Variants in RASSF3 observed in about 807,000 individuals in gnomAD.
RASSF3 encodes the protein Ras association domain family member 3, also known as ras association domain-containing protein 3.
RASSF3 carries 19 observed loss-of-function variants against 19.9 expected under a neutral mutation model. The ratio of observed to expected loss-of-function variants is 0.96; its 90% CI spans 0.67 to 1.40. RASSF3 has a LOEUF of 1.40. Among genes scored for constraint, RASSF3 ranks in the 40% most tolerant of loss-of-function variants. RASSF3 has a pLI of 0.00. For synonymous variants in RASSF3, 110 were observed against 104.2 expected, an observed-to-expected ratio of 1.06 and a Z score of -0.34; for missense variants, 306 against 289.8, an observed-to-expected ratio of 1.06 and a Z score of -0.41.
chr12:64,590,231 CAA>C lies in RASSF3; in HGVS notation c.294+48539_294+48540del, dbSNP rs1305038090. On this transcript the variant is annotated intron_variant, in intron 2 of 5. Coordinates refer to the RASSF3 transcript ENST00000637125. The stretch of plus-strand genomic sequence containing the variant: ...TGGCCTGGGTGACAAAAGACCCTGT[CAA>C]AAAAAAAAAAAATGGTGTTCAAGAC... Among the ~76,000 whole-genome samples the C allele has an allele frequency of 8.2e-3, 962 of 116,930 alleles. 15 individuals are homozygous for C. The highest frequency in any genetic ancestry group is 0.028 in the African/African-American group (900 of 32,412). The allele number at this position is 116,930 out of a possible 152,430, so 76.7% of individuals were successfully genotyped here. A position where few individuals can be genotyped will look rare whatever the true frequency, so the allele number is the denominator to read the frequency against.
chr12:64,603,171 TTTG>T (rs959702352), intron 2 of RASSF3, among the ~76,000 whole-genome samples: 9 of 151,864 alleles, frequency 5.9e-5, no homozygotes, highest in African/African-American at 1.9e-4. Context: ...AACTTTTTTT[TTTG>T]TTGTTGTTGT....
Position 64,610,555 on chromosome 12 carries a change from G to C in RASSF3, c.-78G>C, listed in dbSNP as rs1870308676. ...CGGGGCTGCGCGCCGGGAACCTCGC[G>C]GGGCTGGCGGGCGCCGCACCCCCTC... On this transcript the variant is annotated 5_prime_UTR_variant, in exon 1 of 5. Transcript: ENST00000542104. 6 of 650,832 alleles carry C rather than the reference G, an allele frequency of 9.2e-6. No individual in the cohort carries two copies. Among genetic ancestry groups the C allele is most frequent in the Non-Finnish European group, 1.3e-5 (6 of 461,210 alleles). 40.3% of individuals were successfully genotyped at this position (650,832 alleles called of 1,614,324 possible). A position where few individuals can be genotyped will look rare whatever the true frequency, so the allele number is the denominator to read the frequency against.
At chr12:64,555,524 C>T (rs1357558710) in intron 2 of RASSF3, among the ~76,000 whole-genome samples, 2 of 151,638 alleles carry the variant, frequency 1.3e-5, no homozygotes, top group South Asian at 2.1e-4. Context: ...CCGAGGCAGG[C>T]GGATCATGAG....
At chr12:64,659,363 C>G (rs1363000489) in intron 1 of RASSF3, among the ~76,000 whole-genome samples, 2 of 152,162 alleles carry the variant, frequency 1.3e-5, no homozygotes, top group African/African-American at 4.8e-5. Context: ...TCCTCATTCT[C>G]TTACTAATGA....
chr12:64,684,993 G>A (rs2136219235), intron 2 of RASSF3, 99 bp downstream of exon 2: 1 of 716,208 alleles, frequency 1.4e-6, no homozygotes, highest in Admixed American at 2.1e-5. Context: ...AATAGCATTT[G>A]TAGAAGTGTA....
chr12:64,671,486 T>A (rs1872701318), intron 1 of RASSF3, among the ~76,000 whole-genome samples: 1 of 152,182 alleles, frequency 6.6e-6, no homozygotes, highest in African/African-American at 2.4e-5. Context: ...GATGTAAGTG[T>A]TTCACACCCT....
intron 1 of RASSF3, among the ~76,000 whole-genome samples, chr12:64,665,108 C>A (rs1425173974): frequency 1.3e-5 from 2 of 152,182 alleles, no homozygotes; most frequent in African/African-American, 4.8e-5. Flanking sequence ...TGGGCTAAAT[C>A]ATTGTCTAAA....
In RASSF3 at chr12:64,685,850, C is replaced by T. The variant is rs568260240; in HGVS notation, c.219+956C>T. On this transcript the variant is annotated intron_variant, in intron 2 of 4. Transcript: ENST00000542104. ...AGCTGGCATCTAGGTCTCGCCTACC[C>T]ATTGGGTGGCCCGCCTTCTTCATGG... is the stretch of plus-strand genomic sequence containing the variant. 2.0e-5 allele frequency among the ~76,000 whole-genome samples: 3 copies of T among 152,324 alleles called. No individual in the cohort carries two copies. The South Asian group carries it at 6.2e-4, about 32-fold the overall frequency.
chr12:64,543,251 A>G (rs61933870), downstream of RASSF3, among the ~76,000 whole-genome samples: 39,558 of 82,862 alleles, frequency 0.48, 11,586 homozygotes, highest in African/African-American at 0.59. Flanking sequence ...CCGCCCGCCC[A>G]GGCAGTGAGG....
chr12:64,604,792 C>G (rs968340472), intron 2 of RASSF3, among the ~76,000 whole-genome samples: 1 of 150,746 alleles, frequency 6.6e-6, no homozygotes, highest in African/African-American at 2.4e-5. Flanking sequence ...CGCCCGCCAC[C>G]GTGCCCAGCT....
intron 1 of RASSF3, among the ~76,000 whole-genome samples, chr12:64,520,555 C>CACATAT (rs1435123674): frequency 0.029 from 2,424 of 84,808 alleles, 52 homozygotes; most frequent in East Asian, 0.094. Flanking sequence ...CACATACACA[C>CACATAT]ATATATATAT....
intron 1 of RASSF3, among the ~76,000 whole-genome samples, chr12:64,521,058 G>T (rs1053165950): frequency 6.6e-6 from 1 of 152,160 alleles, no homozygotes; most frequent in Non-Finnish European, 1.5e-5. Context: ...GGAGACTGGG[G>T]TACCTCAACT....
chr12:64,676,371 G>A (rs371213349), intron 1 of RASSF3, among the ~76,000 whole-genome samples: 1 of 150,448 alleles, frequency 6.6e-6, no homozygotes, highest in Non-Finnish European at 1.5e-5. Context: ...GTTTCTCCAT[G>A]TTGGTCAGGC....
At chr12:64,643,596 C>G (rs1011282906) in intron 1 of RASSF3, among the ~76,000 whole-genome samples, 2 of 151,414 alleles carry the variant, frequency 1.3e-5, no homozygotes, top group African/African-American at 2.4e-5. Flanking sequence ...AAAACCCCAA[C>G]AAAACAGCAT....
At chr12:64,675,066 C>G in intron 1 of RASSF3, among the ~76,000 whole-genome samples, 2 of 142,558 alleles carry the variant, frequency 1.4e-5, no homozygotes, top group South Asian at 2.5e-4. Context: ...CCCCGCCACC[C>G]CGGCTTCTTG....
At chr12:64,559,544 C>T (rs148357105) in intron 2 of RASSF3, among the ~76,000 whole-genome samples, 2,713 of 152,264 alleles carry the variant, frequency 0.018, 76 homozygotes, top group African/African-American at 0.062. Flanking sequence ...GCTGGGATTA[C>T]AGGTGTGAGC....
chr12:64,592,421 G>A (rs904749094), intron 2 of RASSF3, among the ~76,000 whole-genome samples: 1 of 151,962 alleles, frequency 6.6e-6, no homozygotes, highest in Non-Finnish European at 1.5e-5. Context: ...ATAAATAATG[G>A]TACAGTCTTA....
At chr12:64,542,128 C>T (rs982780242), downstream of RASSF3, among the ~76,000 whole-genome samples, 6 of 151,674 alleles carry the variant, frequency 4.0e-5, no homozygotes, top group Non-Finnish European at 8.8e-5. Flanking sequence ...TGGTGAGACC[C>T]GCATCTCTAC....
At chr12:64,676,541 G>A (rs554450366) in intron 1 of RASSF3, among the ~76,000 whole-genome samples, 20 of 135,124 alleles carry the variant, frequency 1.5e-4, no homozygotes, top group African/African-American at 5.3e-4. Flanking sequence ...GCACAATTTT[G>A]GCTCACTGCA....
Sources: gnomAD v4.1 joint callset for allele counts (sites outside exome capture counted in the v4.1 genomes callset) on GRCh38, gnomAD v4.1.1 for gene constraint, MANE v1.5 for transcripts, NCBI Gene and HGNC (gene_info 2026-07-23, HGNC 2026-07-21) for gene names.